The following FBXL18 variants were observed in gnomAD, a reference collection of about 807,000 sequenced individuals.
The protein encoded by FBXL18 is F-box/LRR-repeat protein 18.
In FBXL18, 36 loss-of-function variants were observed where a neutral mutation model predicts 46.0. The observed-to-expected ratio is 0.78, with a 90% CI of 0.60 to 1.03. The LOEUF is 1.03. FBXL18 is among the 50% of genes least tolerant of loss of function. The pLI is 0.00. For synonymous variants in FBXL18, 557 were observed against 465.3 expected, an observed-to-expected ratio of 1.20 and a Z score of -2.54; for missense variants, 977 against 1,004.1, an observed-to-expected ratio of 0.97 and a Z score of 0.36.
At position 5,496,056 on chromosome 7, in the gene FBXL18, G is replaced by T; in HGVS notation, c.1781+4432C>A. 1 of 363,606 alleles carries T rather than the reference G, an allele frequency of 2.8e-6. No homozygotes were observed. 22.5% of individuals were successfully genotyped at this position (363,606 alleles called of 1,614,324 possible). ...CCTGAGGAAGGCCCTTGGCCACGGG[G>T]ATTCCGTCCCAGACTCCGGAGGCCA... is the stretch of plus-strand genomic sequence containing the variant. On this transcript the variant is annotated intron_variant, in intron 3 of 4. Transcript: ENST00000382368. The surrounding 1 kb of genome is among the most constrained non-coding windows in gnomAD (Gnocchi z 4.8).
chr7:5,500,369 G>T, intron 3 of FBXL18, 119 bp downstream of exon 3: 2 of 929,998 alleles, frequency 2.2e-6, no homozygotes, highest in Non-Finnish European at 3.2e-6. Context: ...ACGCTGCGAG[G>T]CCCCGCCCCA....
At chr7:5,470,986 G>T (rs747182760), downstream of FBXL18, among the ~76,000 whole-genome samples, 1 of 152,128 alleles carries the variant, frequency 6.6e-6, no homozygotes, top group African/African-American at 2.4e-5. Flanking sequence ...CAGAGGCCCA[G>T]CGTGCAGCAT....
At chr7:5,471,337 C>T (rs1220967723), downstream of FBXL18, among the ~76,000 whole-genome samples, 5 of 152,190 alleles carry the variant, frequency 3.3e-5, no homozygotes, top group East Asian at 5.8e-4. Context: ...AGTGCAGTGG[C>T]GCGATCTCGG....
intron 4 of FBXL18, among the ~76,000 whole-genome samples, chr7:5,487,483 G>T (rs78651319): frequency 0.02 from 3,088 of 152,252 alleles, 53 homozygotes; most frequent in South Asian, 0.039. Context: ...CCCCACAGAG[G>T]TCCCCTCAGC....
intron 1 of FBXL18, among the ~76,000 whole-genome samples, chr7:5,508,448 A>G (rs1470752989): frequency 1.3e-5 from 2 of 151,274 alleles, no homozygotes; most frequent in Non-Finnish European, 2.9e-5. Flanking sequence ...TCTAAAAAAA[A>G]AAAAAAAAAA....
chr7:5,513,566 G>T, intron 1 of FBXL18, 91 bp downstream of exon 1: 1 of 1,448,536 alleles, frequency 6.9e-7, no homozygotes, highest in Non-Finnish European at 9.6e-7. Context: ...GGGATAGAAA[G>T]GATGCAAGGG....
intron 4 of FBXL18, among the ~76,000 whole-genome samples, chr7:5,456,811 T>G (rs1016880084): frequency 1.1e-4 from 16 of 152,212 alleles, no homozygotes; most frequent in Non-Finnish European, 2.9e-5. Flanking sequence ...TCATCCAGGT[T>G]GGAGTGCAGT....
chr7:5,495,774 C>T (rs1402896654), intron 3 of FBXL18: 1 of 471,900 alleles, frequency 2.1e-6, no homozygotes, highest in Non-Finnish European at 4.4e-6. Flanking sequence ...TCCACTGCAG[C>T]GTCCGGGCTC....
At chr7:5,467,246 G>A (rs528976690) in intron 4 of FBXL18, among the ~76,000 whole-genome samples, 44 of 152,284 alleles carry the variant, frequency 2.9e-4, no homozygotes, top group Admixed American at 2.5e-3. Flanking sequence ...AGCTGCTCGG[G>A]AGGCTGAGGC....
intron 4 of FBXL18, among the ~76,000 whole-genome samples, chr7:5,485,526 A>G (rs1042267989): frequency 6.6e-6 from 1 of 152,146 alleles, no homozygotes; most frequent in Non-Finnish European, 1.5e-5. Context: ...ATAAATAAAA[A>G]AGGGAGGCCA....
intron 4 of FBXL18, among the ~76,000 whole-genome samples, chr7:5,484,091 T>C (rs1244834633): frequency 6.6e-6 from 1 of 152,178 alleles, no homozygotes; most frequent in Non-Finnish European, 1.5e-5. Flanking sequence ...GGCAGACGCA[T>C]CCTGGCCTGT....
rs758161720 is a variant in FBXL18 at position 5,501,345 on chromosome 7, C to A, written c.924G>T (p.Leu308=). The A allele has an allele frequency of 1.2e-5, 19 of 1,613,958 alleles. No individual in the cohort carries two copies. Among genetic ancestry groups the A allele is most frequent in the Non-Finnish European group, 1.5e-5 (18 of 1,180,030 alleles). Residue 308 remains leucine, a synonymous_variant, in exon 3 of 5, where the codon CTG becomes CTT. Transcript: ENST00000382368. ...ACGGGTTGTTGAATTTCATGTGCTG[C>A]AGGAGGGAAGAGCCGTTCAGCCAGG... ...PKSWLNGSSL[L]QHMKFNNPFY... is the part of the protein sequence containing the mutation.
chr7:5,500,715 ACT>A lies in FBXL18; in HGVS notation c.1552_1553del (p.Ser518CysfsTer183), dbSNP rs1205693228. 4 of 1,611,618 alleles carry A rather than the reference ACT, an allele frequency of 2.5e-6. No individual in the cohort carries two copies. The highest frequency in any genetic ancestry group is 2.2e-5 in the East Asian group (1 of 44,864). ...TGGCGGCCACCTCCGAGTCCCCGAC[ACT>A]CTGTGCGCGGCTGCAGGGTGGGAGC... ...NSLPPCSRAQ[S>X]VGDSEVAAIG... On this transcript the variant is annotated frameshift_variant, in exon 3 of 5. Coordinates refer to ENST00000382368, the MANE Select transcript of FBXL18 (RefSeq NM_024963.6). LOFTEE classifies it high-confidence loss of function.
chr7:5,503,536 T>C (rs890977004), intron 2 of FBXL18, among the ~76,000 whole-genome samples: 1 of 152,042 alleles, frequency 6.6e-6, no homozygotes, highest in Admixed American at 6.6e-5. Flanking sequence ...CTCTTTTTTT[T>C]TTTTGTACAG....
At chr7:5,482,001 C>A in intron 4 of FBXL18, 70 bp from the exon 5 acceptor site, 1 of 1,521,098 alleles carries the variant, frequency 6.6e-7, no homozygotes. Flanking sequence ...GCTGGGGAAG[C>A]CCAGGAGGCA....
At chr7:5,464,782 G>A (rs892539192) in intron 4 of FBXL18, among the ~76,000 whole-genome samples, 2 of 146,370 alleles carry the variant, frequency 1.4e-5, no homozygotes, top group Admixed American at 6.9e-5. Flanking sequence ...AACTACCAGT[G>A]GCTGGGCGTG....
Position 5,513,785 on chromosome 7 carries a change from C to G in FBXL18, c.-111G>C, listed in dbSNP as rs558527825. 7.0e-5 allele frequency: 101 copies of G among 1,447,180 alleles called. 1 individual carries two copies. The East Asian group carries it at 2.4e-3, about 35-fold the overall frequency. 89.6% of individuals were successfully genotyped at this position (1,447,180 alleles called of 1,614,324 possible). ...GTCCACCGCTCAACCGAGACCCCGG[C>G]AAGGAGCGGGCTCTCGTCACTTCCG... On this transcript the variant is annotated 5_prime_UTR_variant, in exon 1 of 5. Coordinates refer to ENST00000382368, the MANE Select transcript of FBXL18 (RefSeq NM_024963.6).
intron 1 of FBXL18, among the ~76,000 whole-genome samples, chr7:5,511,263 C>T (rs549490730): frequency 6.6e-5 from 10 of 151,764 alleles, no homozygotes; most frequent in African/African-American, 2.4e-4. Flanking sequence ...GGTGAAACCC[C>T]GTCTCTACTA....
chr7:5,490,922 A>C (rs982160348), intron 4 of FBXL18, among the ~76,000 whole-genome samples: 1 of 152,232 alleles, frequency 6.6e-6, no homozygotes, highest in Non-Finnish European at 1.5e-5. Context: ...TTTCGCCACT[A>C]CACTCCAGCC....
Sources: allele counts gnomAD v4.1 joint callset (sites outside exome capture counted in the v4.1 genomes callset), GRCh38; gene constraint gnomAD v4.1.1; non-coding constraint Gnocchi (gnomAD v3.1); transcripts MANE v1.5; gene names NCBI Gene and HGNC (gene_info 2026-07-23, HGNC 2026-07-21).